PALS2: variants seen among roughly 807,000 people sequenced by gnomAD.
PALS2 encodes protein PALS2.
Under a neutral mutation model 61.6 loss-of-function variants are expected in PALS2, and 27 were observed. That is an observed-to-expected ratio of 0.44 (90% CI 0.32 to 0.60). The LOEUF is 0.60. PALS2 is among the 20% of genes least tolerant of loss of function. The probability of loss-of-function intolerance (pLI) is 0.05; values close to 1 mark genes in which losing one functional copy is unlikely to be tolerated. For synonymous variants in PALS2, 236 were observed against 218.6 expected (o/e 1.08, Z -0.70); for missense variants, 554 against 639.4 (o/e 0.87, Z 1.44).
intron 11 of PALS2, among the ~76,000 whole-genome samples, chr7:24,684,300 A>C (rs1349565333): frequency 6.6e-6 from 1 of 152,166 alleles, no homozygotes; most frequent in African/African-American, 2.4e-5. Flanking sequence ...GCGTTTCACC[A>C]TGTTGGCCAG....
Position 24,663,702 on chromosome 7 carries a change from A to C in PALS2, c.764A>C (p.Glu255Ala). 1 of 1,610,928 alleles carries C rather than the reference A, an allele frequency of 6.2e-7. No individual in the cohort carries two copies. Among genetic ancestry groups the C allele is most frequent in the Non-Finnish European group, 8.5e-7 (1 of 1,177,730 alleles). Residue 255 changes from glutamate to alanine, a missense_variant, in exon 6 of 12, where the codon GAA (glutamate) becomes GCA (alanine). By Grantham distance (107) the Glu-to-Ala change is moderately radical. Coordinates refer to ENST00000222644, the MANE Select transcript of PALS2 (RefSeq NM_001303037.2). ...GAGATTCTTCAGATTGTAAATAGAGAAGATCCAAATTGGTGGCAGGTTAGT... is the reference window on the plus strand; with the variant it reads ...GAGATTCTTCAGATTGTAAATAGAGCAGATCCAAATTGGTGGCAGGTTAGT... ...KGEILQIVNR[E>A]DPNWWQASHV...
At chr7:24,658,993 A>G (rs1332671171) in intron 5 of PALS2, among the ~76,000 whole-genome samples, 1 of 151,738 alleles carries the variant, frequency 6.6e-6, no homozygotes, top group Non-Finnish European at 1.5e-5. Context: ...TTCAGTCCTC[A>G]CCCTCCTCTT....
At position 24,617,656 on chromosome 7, in the gene PALS2, G is replaced by A. The variant is rs75215248; in HGVS notation, c.-2-6010G>A. ...TTTAGTGATGTTTGTAAGTGTTTCA[G>A]TGGCCTAAGCTGCAAGAGTTTGTGG... On this transcript the variant is annotated intron_variant, in intron 1 of 11. Coordinates refer to ENST00000222644, the MANE Select transcript of PALS2 (RefSeq NM_001303037.2). 9.8e-3 allele frequency among the ~76,000 whole-genome samples: 1,497 copies of A among 152,308 alleles called. 6 individuals carry two copies. Among genetic ancestry groups the A allele is most frequent in the Non-Finnish European group, 0.016 (1,080 of 68,034 alleles).
intron 1 of PALS2, among the ~76,000 whole-genome samples, chr7:24,574,959 TTA>T (rs1174309813): frequency 6.6e-6 from 1 of 152,180 alleles, no homozygotes; most frequent in African/African-American, 2.4e-5. Context: ...CTGATTATAG[TTA>T]TGTCTTCTGA....
At chr7:24,656,171 A>G (rs1214883185) in intron 5 of PALS2, among the ~76,000 whole-genome samples, 3 of 152,220 alleles carry the variant, frequency 2.0e-5, no homozygotes, top group Non-Finnish European at 4.4e-5. Flanking sequence ...TTTAAGAAGT[A>G]GGTTCAATAA....
chr7:24,575,383 AAATG>A (rs1313596876), intron 1 of PALS2, among the ~76,000 whole-genome samples: 2 of 152,166 alleles, frequency 1.3e-5, no homozygotes, highest in Admixed American at 1.3e-4. Context: ...GGATTTTTAA[AAATG>A]AATCATATTT....
chr7:24,664,119 C>G (rs1306083742), intron 6 of PALS2, among the ~76,000 whole-genome samples: 1 of 152,120 alleles, frequency 6.6e-6, no homozygotes, highest in Non-Finnish European at 1.5e-5. Flanking sequence ...TCTCCTCTCC[C>G]TCATGTTCGT....
In PALS2 at chr7:24,597,673, C is replaced by T. The variant is rs141216416; in HGVS notation, c.-3+24080C>T. ...GGGTGGGAAGTAGTTGATTCATTGA[C>T]AGGTAGTAGCCTTGTAGAGGAGGAA... On this transcript the variant is annotated intron_variant, in intron 1 of 11. Transcript: ENST00000222644. Among the ~76,000 whole-genome samples, 72 of 152,202 alleles carry T rather than the reference C, an allele frequency of 4.7e-4. No individual in the cohort carries two copies. The East Asian group carries it at 0.011, about 24-fold the overall frequency.
intron 5 of PALS2, among the ~76,000 whole-genome samples, chr7:24,651,516 A>C (rs1372351430): frequency 1.3e-5 from 2 of 152,206 alleles, no homozygotes; most frequent in African/African-American, 4.8e-5. Context: ...TAATGCTCTC[A>C]CAGCAACACC....
chr7:24,663,825 AT>A, intron 6 of PALS2, 104 bp downstream of exon 6: 1 of 1,378,750 alleles, frequency 7.3e-7, no homozygotes, highest in East Asian at 2.4e-5. Flanking sequence ...TGTTACAATG[AT>A]TTTTCCCACA....
intron 2 of PALS2, among the ~76,000 whole-genome samples, chr7:24,631,310 A>G (rs1232688722): frequency 6.6e-6 from 1 of 152,178 alleles, no homozygotes; most frequent in Non-Finnish European, 1.5e-5. Flanking sequence ...ACTTAGATGA[A>G]AGATGACACT....
chr7:24,661,054 A>G (rs1786693270), intron 5 of PALS2, among the ~76,000 whole-genome samples: 1 of 152,204 alleles, frequency 6.6e-6, no homozygotes, highest in Non-Finnish European at 1.5e-5. Flanking sequence ...TTTAGTAATA[A>G]GAATATGAAA....
At chr7:24,628,577 T>C (rs908531249) in intron 2 of PALS2, among the ~76,000 whole-genome samples, 1 of 152,160 alleles carries the variant, frequency 6.6e-6, no homozygotes, top group Non-Finnish European at 1.5e-5. Context: ...TTTTTGCAGA[T>C]GACATATTTA....
At chr7:24,682,253 G>GAA (rs142803531) in intron 11 of PALS2, among the ~76,000 whole-genome samples, 2,450 of 152,192 alleles carry the variant, frequency 0.016, 78 homozygotes, top group African/African-American at 0.057. Context: ...GGCTAAGGGG[G>GAA]AATAGGTACC....
chr7:24,658,810 C>T (rs1351592926), intron 5 of PALS2, among the ~76,000 whole-genome samples: 5 of 152,066 alleles, frequency 3.3e-5, no homozygotes, highest in African/African-American at 9.7e-5. Flanking sequence ...CTGCGTCAGC[C>T]TCCCAAAGTG....
chr7:24,601,695 A>G (rs1332499615), intron 1 of PALS2, among the ~76,000 whole-genome samples: 1 of 152,034 alleles, frequency 6.6e-6, no homozygotes, highest in East Asian at 1.9e-4. Flanking sequence ...CCTTATGAGC[A>G]AGTCTGAAAA....
intron 2 of PALS2, chr7:24,624,063 G>A: frequency 7.5e-7 from 1 of 1,338,852 alleles, no homozygotes; most frequent in Non-Finnish European, 9.9e-7. Context: ...TTTTAACAGG[G>A]CCTGTGAAAA....
intron 3 of PALS2, among the ~76,000 whole-genome samples, chr7:24,648,683 A>C (rs1785973204): frequency 6.6e-6 from 1 of 152,030 alleles, no homozygotes; most frequent in African/African-American, 2.4e-5. Flanking sequence ...AGGTGGGCGG[A>C]TCATGAGGTC....
chr7:24,580,193 T>A (rs2128038972), intron 1 of PALS2, among the ~76,000 whole-genome samples: 1 of 152,264 alleles, frequency 6.6e-6, no homozygotes, highest in East Asian at 1.9e-4. Context: ...TACTTTATAT[T>A]TTGTTCTGTA....
Sources: gnomAD v4.1 joint callset for allele counts (sites outside exome capture counted in the v4.1 genomes callset) on GRCh38, gnomAD v4.1.1 for gene constraint, MANE v1.5 for transcripts, NCBI Gene and HGNC (gene_info 2026-07-23, HGNC 2026-07-21) for gene names.